The following SRFBP1 variants were observed in gnomAD, a reference collection of about 807,000 sequenced individuals.
SRFBP1 encodes serum response factor-binding protein 1.
In SRFBP1, 47 loss-of-function variants were observed where a neutral mutation model predicts 45.5. The ratio of observed to expected loss-of-function variants is 1.03; its 90% CI spans 0.82 to 1.32. The LOEUF is 1.32. SRFBP1 is among the 40% of genes most tolerant of loss of function. The probability of loss-of-function intolerance (pLI) is 0.00; values close to 1 mark genes in which losing one functional copy is unlikely to be tolerated. For synonymous variants in SRFBP1, 203 were observed against 166.3 expected, an observed-to-expected ratio of 1.22 and a Z score of -1.70; for missense variants, 621 against 484.6, an observed-to-expected ratio of 1.28 and a Z score of -2.64.
At chr5:121,985,892 T>C (rs1031222272) in intron 3 of SRFBP1, among the ~76,000 whole-genome samples, 4 of 151,814 alleles carry the variant, frequency 2.6e-5, no homozygotes, top group Non-Finnish European at 4.4e-5. Flanking sequence ...GTGGAAGAAA[T>C]AGAGCAGAGT....
At chr5:122,043,649 T>C (rs1753806021) in intron 2 of SRFBP1, among the ~76,000 whole-genome samples, 1 of 152,228 alleles carries the variant, frequency 6.6e-6, no homozygotes, top group Non-Finnish European at 1.5e-5. Flanking sequence ...ACAGAGGCTC[T>C]CTTTACAGTT....
At chr5:122,003,023 T>C (rs1190894036) in intron 4 of SRFBP1, among the ~76,000 whole-genome samples, 1 of 152,098 alleles carries the variant, frequency 6.6e-6, no homozygotes. Context: ...TTGCAGTGAG[T>C]ATTTTTATTC....
chr5:122,045,944 G>A (rs140209134), intron 2 of SRFBP1, among the ~76,000 whole-genome samples: 1 of 152,162 alleles, frequency 6.6e-6, no homozygotes, highest in African/African-American at 2.4e-5. Flanking sequence ...GCTTTCAAGG[G>A]GAATGCTTCC....
chr5:121,964,299 A>C (rs1399736455), intron 1 of SRFBP1, among the ~76,000 whole-genome samples: 3 of 151,988 alleles, frequency 2.0e-5, no homozygotes, highest in Non-Finnish European at 4.4e-5. Context: ...GCACCCATTA[A>C]CCTGTCGTCT....
chr5:121,984,928 C>T (rs532994447), intron 3 of SRFBP1, among the ~76,000 whole-genome samples: 2 of 151,748 alleles, frequency 1.3e-5, no homozygotes, highest in Non-Finnish European at 3.0e-5. Context: ...GAAGTTTTAC[C>T]TGATATTTTT....
chr5:121,994,721 T>C (rs1752684951), intron 4 of SRFBP1, 51 bp downstream of exon 4: 1 of 1,212,922 alleles, frequency 8.2e-7, no homozygotes, highest in East Asian at 2.5e-5. Flanking sequence ...CTCATCTATA[T>C]TGCTTACTTT....
chr5:122,026,614 G>T (rs1041817682), intron 7 of SRFBP1, among the ~76,000 whole-genome samples: 1 of 152,148 alleles, frequency 6.6e-6, no homozygotes. Context: ...AATACATGAT[G>T]CCCTTCTTTT....
At chr5:121,972,655 A>T (rs1359923732) in intron 1 of SRFBP1, among the ~76,000 whole-genome samples, 2 of 151,930 alleles carry the variant, frequency 1.3e-5, no homozygotes, top group South Asian at 4.1e-4. Context: ...GCATAAAAAG[A>T]GGAACATTAA....
downstream of SRFBP1, chr5:122,077,245 G>C: frequency 6.5e-7 from 1 of 1,529,376 alleles, no homozygotes; most frequent in Non-Finnish European, 8.8e-7. This position sits in a 1 kb window ranked among gnomAD's most constrained non-coding sequence, Gnocchi z 4.9. Flanking sequence ...GTGGGGGAGG[G>C]ATCGGATCTG....
chr5:121,983,805 G>T (rs1752464196), intron 3 of SRFBP1, among the ~76,000 whole-genome samples: 1 of 151,694 alleles, frequency 6.6e-6, no homozygotes, highest in African/African-American at 2.4e-5. Context: ...TTAACTGGCT[G>T]CCAGCAAAAA....
chr5:122,042,552 C>T (rs1188813104), intron 2 of SRFBP1, among the ~76,000 whole-genome samples: 1 of 152,154 alleles, frequency 6.6e-6, no homozygotes, highest in Non-Finnish European at 1.5e-5. Context: ...ACACTTGGCA[C>T]CTCTTGATTT....
intron 1 of SRFBP1, among the ~76,000 whole-genome samples, chr5:121,967,960 A>G (rs940727471): frequency 6.6e-6 from 1 of 152,290 alleles, no homozygotes; most frequent in African/African-American, 2.4e-5. Context: ...GTGTTTTGCT[A>G]TATCTTAATA....
In SRFBP1 at chr5:121,963,517, A is replaced by G. The variant is rs139849349; in HGVS notation, c.36+1449A>G. 3.2e-3 allele frequency among the ~76,000 whole-genome samples: 485 copies of G among 152,296 alleles called. 1 individual carries two copies. Among genetic ancestry groups the G allele is most frequent in the African/African-American group, 0.011 (452 of 41,576 alleles). ...GAAATGACAGGGGATGAGTCATTAA[A>G]GACTCTTTTCACACTTAGCTAACTT... On this transcript the variant is annotated intron_variant, in intron 1 of 7. Coordinates refer to ENST00000339397, the MANE Select transcript of SRFBP1 (RefSeq NM_152546.3).
Position 121,975,331 on chromosome 5 carries a change from C to T in SRFBP1, c.142C>T (p.Leu48=). Reference sequence around the variant, plus strand: ...TTTTTGCAGGGGTACTGAAGATGCACTGTTAAAAAACCAAAGACGGGCGCA... The same window carrying T: ...TTTTTGCAGGGGTACTGAAGATGCATTGTTAAAAAACCAAAGACGGGCGCA... ...LKSKKGTEDA[L]LKNQRRAQRL... Residue 48 remains leucine, a synonymous_variant, in exon 3 of 8, where the codon CTG becomes TTG. Coordinates refer to ENST00000339397, the MANE Select transcript of SRFBP1 (RefSeq NM_152546.3). 2 of 1,613,212 alleles carry T rather than the reference C, an allele frequency of 1.2e-6. No homozygotes were observed. Among genetic ancestry groups the T allele is most frequent in the East Asian group, 2.2e-5 (1 of 44,840 alleles).
At position 122,026,915 on chromosome 5, in the gene SRFBP1, A is replaced by T. The variant is rs752064757; in HGVS notation, c.1106-27A>T. ...CTATATGCTCTTTAAGTATATAGTT[A>T]TTATTATTTTTGCTTTCTCTTCCTA... On this transcript the variant is annotated intron_variant, in intron 7 of 7. Transcript: ENST00000339397. 5 of 1,531,046 alleles carry T rather than the reference A, an allele frequency of 3.3e-6. No homozygotes were observed. The Admixed American group carries it at 9.1e-5, about 28-fold the overall frequency. The allele number at this position is 1,531,046 out of a possible 1,614,324, so 94.8% of individuals were successfully genotyped here.
intron 2 of SRFBP1, among the ~76,000 whole-genome samples, chr5:122,037,397 A>G (rs1753710835): frequency 6.6e-6 from 1 of 152,240 alleles, no homozygotes; most frequent in Non-Finnish European, 1.5e-5. Flanking sequence ...TGTAGCTTGC[A>G]GGTAGGGTAA....
chr5:121,970,551 TC>T (rs1752167061), intron 1 of SRFBP1, among the ~76,000 whole-genome samples: 1 of 152,102 alleles, frequency 6.6e-6, no homozygotes, highest in South Asian at 2.1e-4. Context: ...TTTTTTTTTT[TC>T]CTTAAGCCTT....
At chr5:122,074,648 C>G (rs1754563063) in intron 2 of SRFBP1, among the ~76,000 whole-genome samples, 2 of 152,018 alleles carry the variant, frequency 1.3e-5, no homozygotes, top group African/African-American at 4.8e-5. Context: ...CATGTTTTAT[C>G]CACCATTATT....
intron 2 of SRFBP1, chr5:122,070,563 G>C: frequency 1.2e-6 from 2 of 1,605,302 alleles, no homozygotes; most frequent in Non-Finnish European, 1.7e-6. Context: ...CTGCACCATA[G>C]GTATCATAAC....
Sources: allele counts gnomAD v4.1 joint callset (sites outside exome capture counted in the v4.1 genomes callset), GRCh38; gene constraint gnomAD v4.1.1; non-coding constraint Gnocchi (gnomAD v3.1); transcripts MANE v1.5; gene names NCBI Gene and HGNC (gene_info 2026-07-23, HGNC 2026-07-21).